The following GALNT13 variants were observed in gnomAD, a reference collection of about 807,000 sequenced individuals.
GALNT13 encodes UDP-GalNAc:polypeptide N-acetylgalactosaminyltransferase 13.
GALNT13 carries 28 observed loss-of-function variants against 64.2 expected under a neutral mutation model. The ratio of observed to expected loss-of-function variants is 0.44; its 90% CI spans 0.32 to 0.60. The LOEUF (loss-of-function observed/expected upper bound fraction) is 0.60. Among genes scored for constraint, GALNT13 ranks in the 20% least tolerant of loss-of-function variants. GALNT13 has a pLI of 0.05. For missense variants in GALNT13, 577 were observed against 669.8 expected (o/e 0.86, Z 1.53); for synonymous variants, 214 against 224.6 (o/e 0.95, Z 0.42).
the GALNT13 span, among the ~76,000 whole-genome samples, chr2:153,703,103 A>G: frequency 6.6e-6 from 1 of 152,166 alleles, no homozygotes; most frequent in Non-Finnish European, 1.5e-5. Flanking sequence ...ATCAAGTAAT[A>G]TGAGGCTTGG....
the GALNT13 span, among the ~76,000 whole-genome samples, chr2:153,294,486 T>G: frequency 0.82 from 125,353 of 152,176 alleles, 52,913 homozygotes; most frequent in African/African-American, 0.91. Context: ...ATTTTTATAT[T>G]TAAAATTGAT....
intron 2 of GALNT13, among the ~76,000 whole-genome samples, chr2:153,911,003 C>T (rs796663922): frequency 5.9e-5 from 9 of 152,168 alleles, no homozygotes; most frequent in African/African-American, 2.2e-4. Context: ...ATGATCTGTC[C>T]AGTACTGTCA....
At chr2:154,051,759 T>G (rs1283506718) in intron 3 of GALNT13, among the ~76,000 whole-genome samples, 1 of 152,212 alleles carries the variant, frequency 6.6e-6, no homozygotes, top group Non-Finnish European at 1.5e-5. Context: ...TATAGATACT[T>G]TCCTTTCTAG....
At chr2:153,150,959 C>T in the GALNT13 span, among the ~76,000 whole-genome samples, 2 of 151,978 alleles carry the variant, frequency 1.3e-5, no homozygotes, top group Non-Finnish European at 2.9e-5. Context: ...AATGCGGGCT[C>T]TTTTTTGGTT....
chr2:154,417,282 C>CAAAAAAA (rs35825821), intron 11 of GALNT13, among the ~76,000 whole-genome samples: 1 of 75,134 alleles, frequency 1.3e-5, no homozygotes, highest in Non-Finnish European at 2.5e-5. Flanking sequence ...AAACAAGCAC[C>CAAAAAAA]AAAAAAAAAA....
the GALNT13 span, among the ~76,000 whole-genome samples, chr2:153,737,875 A>G: frequency 6.6e-6 from 1 of 152,056 alleles, no homozygotes; most frequent in South Asian, 2.1e-4. Flanking sequence ...AATATAGGCT[A>G]CTTAAGTTCT....
At chr2:153,083,137 A>G in the GALNT13 span, among the ~76,000 whole-genome samples, 3 of 152,070 alleles carry the variant, frequency 2.0e-5, no homozygotes, top group Non-Finnish European at 4.4e-5. Flanking sequence ...AGTTTCATAT[A>G]TTTGCAATTG....
intron 3 of GALNT13, among the ~76,000 whole-genome samples, chr2:153,983,116 C>T (rs1300238088): frequency 6.6e-6 from 1 of 151,816 alleles, no homozygotes. Flanking sequence ...CTAATTCTGT[C>T]TTGCATAGAG....
At chr2:154,170,756 T>C (rs1481014514) in intron 4 of GALNT13, among the ~76,000 whole-genome samples, 2 of 152,196 alleles carry the variant, frequency 1.3e-5, no homozygotes, top group Non-Finnish European at 2.9e-5. Context: ...TATTATTATA[T>C]TTTCCTTGTG....
chr2:153,387,815 T>C, the GALNT13 span, among the ~76,000 whole-genome samples: 1 of 152,240 alleles, frequency 6.6e-6, no homozygotes, highest in Middle Eastern at 3.4e-3. Flanking sequence ...AAGCACCTCA[T>C]AAAAAGCTCA....
At chr2:153,126,229 T>G in the GALNT13 span, among the ~76,000 whole-genome samples, 1 of 150,580 alleles carries the variant, frequency 6.6e-6, no homozygotes, top group East Asian at 1.9e-4. Flanking sequence ...TATTTTTTTA[T>G]GATGAAGAAT....
At chr2:154,140,719 A>G (rs1332692628) in intron 4 of GALNT13, among the ~76,000 whole-genome samples, 1 of 152,170 alleles carries the variant, frequency 6.6e-6, no homozygotes, top group African/African-American at 2.4e-5. Context: ...AAGATGCTGC[A>G]AAATACTCAG....
At chr2:153,992,875 A>G (rs1695253255) in intron 3 of GALNT13, among the ~76,000 whole-genome samples, 2 of 152,218 alleles carry the variant, frequency 1.3e-5, no homozygotes, top group Admixed American at 1.3e-4. Flanking sequence ...ATTTTTATTG[A>G]TGCTTATAGA....
intron 2 of GALNT13, among the ~76,000 whole-genome samples, chr2:153,941,563 A>G (rs1207239742): frequency 6.6e-6 from 1 of 152,214 alleles, no homozygotes; most frequent in Non-Finnish European, 1.5e-5. Context: ...CCTGGAATAG[A>G]AACATAATAC....
At chr2:153,213,020 C>T in the GALNT13 span, among the ~76,000 whole-genome samples, 1 of 152,206 alleles carries the variant, frequency 6.6e-6, no homozygotes, top group Non-Finnish European at 1.5e-5. Context: ...TATTTGAACA[C>T]TGCCTAATGA....
At chr2:153,639,660 C>T in the GALNT13 span, among the ~76,000 whole-genome samples, 4 of 152,022 alleles carry the variant, frequency 2.6e-5, no homozygotes, top group Non-Finnish European at 4.4e-5. Context: ...TCCATTCCAT[C>T]GGAAAAACTC....
At chr2:153,559,550 G>T in the GALNT13 span, among the ~76,000 whole-genome samples, 1 of 152,056 alleles carries the variant, frequency 6.6e-6, no homozygotes, top group Non-Finnish European at 1.5e-5. Context: ...TCCTGATTGT[G>T]CTCTGTACTT....
At chr2:154,238,729 A>G (rs1261904453) in intron 4 of GALNT13, among the ~76,000 whole-genome samples, 1 of 152,054 alleles carries the variant, frequency 6.6e-6, no homozygotes, top group African/African-American at 2.4e-5. Context: ...TTTGACAACT[A>G]AAAGTTATAT....
At chr2:154,437,715 C>T (rs1701055215) in intron 11 of GALNT13, 2 of 420,456 alleles carry the variant, frequency 4.8e-6, no homozygotes, top group Non-Finnish European at 9.5e-6. Context: ...ATTAGGCCGG[C>T]ATGGTGGCGC....
Sources: gnomAD v4.1 joint callset for allele counts (sites outside exome capture counted in the v4.1 genomes callset) on GRCh38, gnomAD v4.1.1 for gene constraint, MANE v1.5 for transcripts, NCBI Gene and HGNC (gene_info 2026-07-23, HGNC 2026-07-21) for gene names.